OR51B5: variants seen among roughly 807,000 people sequenced by gnomAD.
OR51B5 encodes the protein olfactory receptor 51B5.
For synonymous variants in OR51B5, 186 were observed against 144.8 expected (o/e 1.28, Z -2.04); for missense variants, 456 against 374.6 (o/e 1.22, Z -1.79).
At chr11:5,379,399 A>G (rs34397863) in intron 1 of OR51B5, among the ~76,000 whole-genome samples, 41,015 of 151,690 alleles carry the variant, frequency 0.27, 5,818 homozygotes, top group African/African-American at 0.33. Flanking sequence ...AACATGGCAC[A>G]TGTATACATA....
chr11:5,402,892 C>T, intron 1 of OR51B5: 1 of 471,346 alleles, frequency 2.1e-6, no homozygotes, highest in Non-Finnish European at 4.4e-6. Flanking sequence ...AGTCTTGAAG[C>T]TTGTCTTTTT....
At chr11:5,379,442 C>T (rs556819774) in intron 1 of OR51B5, among the ~76,000 whole-genome samples, 3 of 150,676 alleles carry the variant, frequency 2.0e-5, no homozygotes, top group East Asian at 1.9e-4. Context: ...CACATGTACC[C>T]TAAATCTTAA....
At chr11:5,397,692 C>T (rs1201051454) in intron 1 of OR51B5, among the ~76,000 whole-genome samples, 1 of 151,218 alleles carries the variant, frequency 6.6e-6, no homozygotes, top group East Asian at 1.9e-4. Flanking sequence ...CCAGCCATCC[C>T]ATTACTGGGT....
chr11:5,458,111 TAA>T (rs1265545030), intron 1 of OR51B5, among the ~76,000 whole-genome samples: 3 of 152,174 alleles, frequency 2.0e-5, no homozygotes, highest in African/African-American at 4.8e-5. Flanking sequence ...ATATTATGCT[TAA>T]GTTTTTAATT....
At chr11:5,349,752 T>C (rs974784995) in intron 1 of OR51B5, among the ~76,000 whole-genome samples, 3 of 152,130 alleles carry the variant, frequency 2.0e-5, no homozygotes, top group Non-Finnish European at 4.4e-5. Flanking sequence ...TGAGCAATAA[T>C]ACCTCCTTTT....
chr11:5,343,769 G>A, upstream of OR51B5: 1 of 383,976 alleles, frequency 2.6e-6, no homozygotes, highest in Non-Finnish European at 4.6e-6. Context: ...AGTTTCAACT[G>A]TTTATATGCA....
chr11:5,382,237 C>T (rs574084376), intron 1 of OR51B5, among the ~76,000 whole-genome samples: 5 of 152,272 alleles, frequency 3.3e-5, no homozygotes, highest in African/African-American at 9.6e-5. Flanking sequence ...TCTCAAAACA[C>T]ATAAACAACT....
chr11:5,364,230 C>G (rs929788408), intron 1 of OR51B5, among the ~76,000 whole-genome samples: 2 of 152,188 alleles, frequency 1.3e-5, no homozygotes, highest in Non-Finnish European at 2.9e-5. Flanking sequence ...GCTCATCTAG[C>G]TATGACAAAG....
intron 1 of OR51B5, among the ~76,000 whole-genome samples, chr11:5,500,696 C>A (rs1259576798): frequency 2.0e-5 from 3 of 148,170 alleles, no homozygotes; most frequent in South Asian, 2.1e-4. Context: ...TCTATGAAGA[C>A]CCACTCCTAA....
chr11:5,343,728 C>A (rs2133679252), upstream of OR51B5: 1 of 445,972 alleles, frequency 2.2e-6, no homozygotes, highest in East Asian at 3.4e-5. Context: ...ATTCCAGGAT[C>A]TATCTCCTAC....
At chr11:5,360,614 C>T (rs1302659671) in intron 1 of OR51B5, among the ~76,000 whole-genome samples, 3 of 152,062 alleles carry the variant, frequency 2.0e-5, no homozygotes, top group African/African-American at 7.2e-5. Flanking sequence ...CTAGAAATAC[C>T]ATTTGACCCA....
intron 1 of OR51B5, among the ~76,000 whole-genome samples, chr11:5,396,103 C>G (rs1849866111): frequency 6.6e-6 from 1 of 152,116 alleles, no homozygotes; most frequent in Non-Finnish European, 1.5e-5. Context: ...AGATCTGGTC[C>G]CAGAGACACT....
chr11:5,382,898 T>A (rs903814773), intron 1 of OR51B5, among the ~76,000 whole-genome samples: 3 of 152,116 alleles, frequency 2.0e-5, no homozygotes, highest in Admixed American at 1.3e-4. Flanking sequence ...TTGGAGCTCA[T>A]CCCCACACAA....
intron 1 of OR51B5, among the ~76,000 whole-genome samples, chr11:5,381,143 GTCGC>G (rs1279831735): frequency 3.6e-5 from 4 of 110,558 alleles, no homozygotes; most frequent in Non-Finnish European, 5.8e-5. Context: ...CTCTCTCTCT[GTCGC>G]TCGCTCGCTG....
rs1481627828 is a variant in OR51B5, at chr11:5,455,990, TAAC to T, written n.84+49576_84+49578del. On this transcript the variant is annotated intron_variant and non_coding_transcript_variant, in intron 1 of 4. Transcript: ENST00000415970. ...TATGGTCTTCAGTCAATTTAAATAA[TAAC>T]TTTTCTGATTCATATTAGAAGCTCC... is the stretch of plus-strand genomic sequence containing the variant. The T allele has an allele frequency of 9.2e-5, 14 of 152,334 alleles. 1 individual carries two copies. The East Asian group carries it at 2.7e-3, about 29-fold the overall frequency. The allele number at this position is 152,334 out of a possible 1,614,324, so 9.4% of individuals were successfully genotyped here.
intron 1 of OR51B5, among the ~76,000 whole-genome samples, chr11:5,378,592 A>T (rs950029036): frequency 1.6e-4 from 25 of 152,222 alleles, no homozygotes; most frequent in Non-Finnish European, 7.3e-5. Context: ...CAGAATCTAT[A>T]ATGAACTCAA....
At chr11:5,474,980 G>A (rs927257671) in intron 1 of OR51B5, among the ~76,000 whole-genome samples, 6 of 152,122 alleles carry the variant, frequency 3.9e-5, no homozygotes, top group Non-Finnish European at 7.4e-5. Flanking sequence ...ACTAGAAATG[G>A]CCAGATAAAA....
chr11:5,497,052 A>T (rs1436573441), intron 1 of OR51B5, among the ~76,000 whole-genome samples: 2 of 149,688 alleles, frequency 1.3e-5, no homozygotes, highest in Non-Finnish European at 3.0e-5. Context: ...TAAAAAAAAA[A>T]AAAAAAAAAA....
chr11:5,462,300 T>C (rs779931334), intron 1 of OR51B5, among the ~76,000 whole-genome samples: 2 of 152,142 alleles, frequency 1.3e-5, no homozygotes, highest in Non-Finnish European at 2.9e-5. Context: ...TAGAATCTAA[T>C]GCAGAATGAA....
Sources: allele counts gnomAD v4.1 joint callset (sites outside exome capture counted in the v4.1 genomes callset), GRCh38; gene constraint gnomAD v4.1.1; transcripts MANE v1.5; gene names NCBI Gene and HGNC (gene_info 2026-07-23, HGNC 2026-07-21).